The following CDH12 variants were observed in gnomAD, a reference collection of about 807,000 sequenced individuals.
The protein encoded by CDH12 is cadherin-12.
Under a neutral mutation model 74.1 loss-of-function variants are expected in CDH12, and 41 were observed. The observed-to-expected ratio is 0.55, with a 90% CI of 0.43 to 0.72. The LOEUF is 0.72. Among genes scored for constraint, CDH12 ranks in the 30% least tolerant of loss-of-function variants. The pLI, the probability that CDH12 is intolerant of heterozygous loss-of-function variation, is 0.00. For missense variants in CDH12, 945 were observed against 977.2 expected (o/e 0.97, Z 0.44); for synonymous variants, 399 against 355.0 (o/e 1.12, Z -1.39).
chr5:22,546,756 G>T (rs527555363), intron 1 of CDH12, among the ~76,000 whole-genome samples: 75 of 152,100 alleles, frequency 4.9e-4, no homozygotes, highest in Non-Finnish European at 7.1e-4. Context: ...CCATATGTAT[G>T]CACAATAAAA....
intron 1 of CDH12, among the ~76,000 whole-genome samples, chr5:22,622,279 G>A (rs145106710): frequency 0.065 from 9,956 of 152,064 alleles, 431 homozygotes; most frequent in East Asian, 0.24. Flanking sequence ...ATGCAACCGA[G>A]AGGAACATCC....
At chr5:21,796,602 ATTAT>A (rs1295370031) in intron 10 of CDH12, among the ~76,000 whole-genome samples, 1 of 152,046 alleles carries the variant, frequency 6.6e-6, no homozygotes, top group African/African-American at 2.4e-5. Context: ...TCATTCTGTT[ATTAT>A]TTAATTCTTT....
At chr5:22,821,056 C>G (rs1304943923) in intron 1 of CDH12, among the ~76,000 whole-genome samples, 1 of 151,992 alleles carries the variant, frequency 6.6e-6, no homozygotes, top group Non-Finnish European at 1.5e-5. Flanking sequence ...GGGCTTCATC[C>G]CTGGGATGCA....
intron 2 of CDH12, among the ~76,000 whole-genome samples, chr5:22,484,765 T>C (rs2126630281): frequency 6.6e-6 from 1 of 152,354 alleles, no homozygotes; most frequent in East Asian, 1.9e-4. Context: ...TTAGGCCAAA[T>C]TCTAGCAATT....
chr5:22,433,297 A>T (rs1303401078), intron 2 of CDH12, among the ~76,000 whole-genome samples: 1 of 152,204 alleles, frequency 6.6e-6, no homozygotes, highest in Non-Finnish European at 1.5e-5. Flanking sequence ...GAAAAATTAA[A>T]ATGTATCAAA....
intron 4 of CDH12, among the ~76,000 whole-genome samples, chr5:22,156,059 G>GAT (rs929676051): frequency 2.0e-4 from 30 of 151,652 alleles, no homozygotes; most frequent in Admixed American, 1.1e-3. Context: ...TTTGCTTACT[G>GAT]ATATATATAT....
chr5:22,851,116 C>T (rs890431850), intron 1 of CDH12, among the ~76,000 whole-genome samples: 6 of 151,948 alleles, frequency 3.9e-5, no homozygotes, highest in Non-Finnish European at 8.8e-5. Context: ...ATTTTCTTCC[C>T]CATAAACTAA....
intron 2 of CDH12, among the ~76,000 whole-genome samples, chr5:22,454,156 T>A (rs544567573): frequency 1.2e-4 from 18 of 152,316 alleles, no homozygotes; most frequent in African/African-American, 4.3e-4. Flanking sequence ...GGAGAAGATT[T>A]GAATTTGCCT....
At chr5:22,275,403 C>A (rs1488546115) in intron 3 of CDH12, among the ~76,000 whole-genome samples, 1 of 151,992 alleles carries the variant, frequency 6.6e-6, no homozygotes, top group East Asian at 1.9e-4. Flanking sequence ...ACCTAAGAAT[C>A]TACTCACATT....
intron 1 of CDH12, among the ~76,000 whole-genome samples, chr5:22,746,140 G>T (rs189753399): frequency 6.6e-6 from 1 of 152,138 alleles, no homozygotes; most frequent in Admixed American, 6.5e-5. Flanking sequence ...ATTAGTATGG[G>T]CATAGCAAGA....
chr5:22,446,921 G>T (rs1361411956), intron 2 of CDH12, among the ~76,000 whole-genome samples: 1 of 152,034 alleles, frequency 6.6e-6, no homozygotes, highest in Non-Finnish European at 1.5e-5. Context: ...ATGTCTATTT[G>T]TTGCAGCTAC....
intron 6 of CDH12, among the ~76,000 whole-genome samples, chr5:21,875,836 C>T (rs1310403040): frequency 2.0e-5 from 3 of 151,680 alleles, no homozygotes; most frequent in African/African-American, 7.3e-5. Flanking sequence ...TTCTAATTTA[C>T]TGATATTTTC....
intron 3 of CDH12, among the ~76,000 whole-genome samples, chr5:22,259,767 A>G (rs1366158003): frequency 6.6e-6 from 1 of 151,940 alleles, no homozygotes; most frequent in Admixed American, 6.6e-5. Flanking sequence ...ATTTTTAAAG[A>G]TATTTGCCTT....
intron 4 of CDH12, among the ~76,000 whole-genome samples, chr5:22,191,596 G>C (rs1313159935): frequency 1.4e-4 from 15 of 106,868 alleles, no homozygotes; most frequent in African/African-American, 5.8e-4. Context: ...ACGGAGTCTC[G>C]CTCTGTCGCC....
chr5:22,352,564 G>T (rs1740400014), intron 3 of CDH12, among the ~76,000 whole-genome samples: 1 of 152,110 alleles, frequency 6.6e-6, no homozygotes, highest in African/African-American at 2.4e-5. Flanking sequence ...AAAAATAGGA[G>T]AGAGAGACAA....
intron 5 of CDH12, among the ~76,000 whole-genome samples, chr5:22,042,518 T>C (rs905886887): frequency 6.6e-5 from 10 of 152,074 alleles, no homozygotes; most frequent in African/African-American, 2.4e-4. Flanking sequence ...TGAACAACTA[T>C]ATACCAACAA....
At chr5:22,477,076 C>T (rs935717915) in intron 2 of CDH12, among the ~76,000 whole-genome samples, 5 of 152,118 alleles carry the variant, frequency 3.3e-5, no homozygotes, top group Non-Finnish European at 7.4e-5. Context: ...CAAAAAACAC[C>T]CTACTGTTTA....
chr5:22,587,781 CT>C (rs1420445052), intron 1 of CDH12, among the ~76,000 whole-genome samples: 1 of 151,736 alleles, frequency 6.6e-6, no homozygotes, highest in Non-Finnish European at 1.5e-5. Context: ...TGGCACATTA[CT>C]TTTCTATGAA....
intron 6 of CDH12, among the ~76,000 whole-genome samples, chr5:21,905,734 C>T (rs956150749): frequency 1.1e-5 from 1 of 89,694 alleles, no homozygotes; most frequent in African/African-American, 2.9e-5. Flanking sequence ...GGCAGAGAGA[C>T]CTCATCAATT....
Sources: allele counts gnomAD v4.1 joint callset (sites outside exome capture counted in the v4.1 genomes callset), GRCh38; gene constraint gnomAD v4.1.1; transcripts MANE v1.5; gene names NCBI Gene and HGNC (gene_info 2026-07-23, HGNC 2026-07-21).